Variants in DRC11 observed in about 807,000 individuals in gnomAD.
DRC11 encodes the protein IQ and AAA domain-containing protein 1.
chr2:236,344,490 T>C, the DRC11 span: 2 of 1,053,152 alleles, frequency 1.9e-6, no homozygotes, highest in Admixed American at 2.0e-5. Context: ...AAAGTAGAGG[T>C]AGGCCTTGGT....
At chr2:236,391,310 G>A in the DRC11 span, 1 of 152,330 alleles carries the variant, frequency 6.6e-6, no homozygotes, top group Non-Finnish European at 1.5e-5. The surrounding 1 kb of genome is among the most constrained non-coding windows in gnomAD (Gnocchi z 4.5). Context: ...AAGAGAAAAT[G>A]TGTGAATCAC....
chr2:236,426,741 A>C, the DRC11 span, among the ~76,000 whole-genome samples: 24 of 152,106 alleles, frequency 1.6e-4, no homozygotes, highest in African/African-American at 5.8e-4. The surrounding 1 kb of genome is among the most constrained non-coding windows in gnomAD (Gnocchi z 4.1). Context: ...CAAAGACAGG[A>C]AATTTCACTT....
the DRC11 span, among the ~76,000 whole-genome samples, chr2:236,317,869 C>T: frequency 3.3e-5 from 5 of 152,176 alleles, no homozygotes; most frequent in Admixed American, 6.5e-5. The surrounding 1 kb of genome is among the most constrained non-coding windows in gnomAD (Gnocchi z 5.4). Flanking sequence ...GAGCTAGAAG[C>T]CTCTTTATGG....
the DRC11 span, among the ~76,000 whole-genome samples, chr2:236,374,202 G>GCAAGT: frequency 6.6e-6 from 1 of 152,090 alleles, no homozygotes; most frequent in Non-Finnish European, 1.5e-5. Flanking sequence ...TAGTTTTGGT[G>GCAAGT]CAAGTGTTGC....
the DRC11 span, among the ~76,000 whole-genome samples, chr2:236,376,510 G>T: frequency 1.3e-5 from 2 of 152,148 alleles, no homozygotes; most frequent in Non-Finnish European, 2.9e-5. This position sits in a 1 kb window ranked among gnomAD's most constrained non-coding sequence, Gnocchi z 5.7. Flanking sequence ...TTCATTGGGG[G>T]TAATTTCTTC....
chr2:236,317,313 GAT>G, the DRC11 span, among the ~76,000 whole-genome samples: 33 of 151,424 alleles, frequency 2.2e-4, no homozygotes, highest in Admixed American at 4.6e-4. The surrounding 1 kb of genome is among the most constrained non-coding windows in gnomAD (Gnocchi z 5.4). Context: ...AAAAAAAAAA[GAT>G]AGGCTCTCAT....
the DRC11 span, among the ~76,000 whole-genome samples, chr2:236,494,397 G>A: frequency 6.6e-6 from 1 of 152,044 alleles, no homozygotes; most frequent in Non-Finnish European, 1.5e-5. This position sits in a 1 kb window ranked among gnomAD's most constrained non-coding sequence, Gnocchi z 4.2. Context: ...TTGCTTTATT[G>A]TGAAACTTGT....
chr2:236,399,330 G>A, the DRC11 span: 5 of 1,074,852 alleles, frequency 4.7e-6, no homozygotes, highest in African/African-American at 3.1e-5. This position sits in a 1 kb window ranked among gnomAD's most constrained non-coding sequence, Gnocchi z 7.0. Context: ...TCTCGGTTGT[G>A]AGTGGCATAC....
At chr2:236,343,925 T>C in the DRC11 span, among the ~76,000 whole-genome samples, 7 of 152,246 alleles carry the variant, frequency 4.6e-5, no homozygotes, top group Non-Finnish European at 1.0e-4. The surrounding 1 kb of genome is among the most constrained non-coding windows in gnomAD (Gnocchi z 6.6). Context: ...GGATCAAAAG[T>C]GATTAAAATC....
chr2:236,359,216 T>C, the DRC11 span, among the ~76,000 whole-genome samples: 1 of 151,950 alleles, frequency 6.6e-6, no homozygotes. The surrounding 1 kb of genome is among the most constrained non-coding windows in gnomAD (Gnocchi z 4.3). Flanking sequence ...TAGTAGACTA[T>C]ATATACTATA....
the DRC11 span, among the ~76,000 whole-genome samples, chr2:236,436,639 A>C: frequency 6.6e-6 from 1 of 152,114 alleles, no homozygotes; most frequent in Non-Finnish European, 1.5e-5. Context: ...GAATTCTGAT[A>C]TATGTACCTG....
the DRC11 span, chr2:236,487,972 C>G: frequency 6.7e-7 from 1 of 1,490,844 alleles, no homozygotes; most frequent in East Asian, 2.5e-5. Context: ...CACCTTGTAC[C>G]CCAACTCCAG....
the DRC11 span, among the ~76,000 whole-genome samples, chr2:236,375,561 G>C: frequency 6.6e-6 from 1 of 152,142 alleles, no homozygotes. The surrounding 1 kb of genome is among the most constrained non-coding windows in gnomAD (Gnocchi z 4.2). Context: ...AAATATTCCA[G>C]CAAAATTCTT....
the DRC11 span, among the ~76,000 whole-genome samples, chr2:236,357,961 A>AATATATGAATATATACTCATATATAAAT: frequency 9.7e-6 from 1 of 102,840 alleles, no homozygotes; most frequent in East Asian, 2.5e-4. Context: ...AAATATATAT[A>AATATATGAATATATACTCATATATAAAT]ATATATGAAT....
At chr2:236,408,969 G>A in the DRC11 span, 5 of 709,224 alleles carry the variant, frequency 7.0e-6, no homozygotes, top group Non-Finnish European at 1.3e-5. The surrounding 1 kb of genome is among the most constrained non-coding windows in gnomAD (Gnocchi z 5.5). Flanking sequence ...CGGCTTGGAA[G>A]GGTCATCCTT....
At chr2:236,500,890 G>T in the DRC11 span, among the ~76,000 whole-genome samples, 6 of 152,138 alleles carry the variant, frequency 3.9e-5, no homozygotes, top group African/African-American at 7.2e-5. The surrounding 1 kb of genome is among the most constrained non-coding windows in gnomAD (Gnocchi z 6.3). Flanking sequence ...TAGAGACAGA[G>T]TTTCTCCATG....
the DRC11 span, among the ~76,000 whole-genome samples, chr2:236,374,667 C>G: frequency 1.3e-5 from 2 of 151,874 alleles, no homozygotes; most frequent in Non-Finnish European, 2.9e-5. Context: ...ATGCTACACA[C>G]TTTTATTTTT....
the DRC11 span, among the ~76,000 whole-genome samples, chr2:236,466,888 G>T: frequency 6.6e-6 from 1 of 152,108 alleles, no homozygotes; most frequent in Non-Finnish European, 1.5e-5. Context: ...GTATGTCCTT[G>T]AGTGTAACTT....
chr2:236,442,263 C>T, the DRC11 span, among the ~76,000 whole-genome samples: 1 of 152,098 alleles, frequency 6.6e-6, no homozygotes, highest in Non-Finnish European at 1.5e-5. Context: ...AGTGTCACAG[C>T]TTTGCATCTT....
Sources: allele counts gnomAD v4.1 joint callset (sites outside exome capture counted in the v4.1 genomes callset), GRCh38; gene constraint gnomAD v4.1.1; non-coding constraint Gnocchi (gnomAD v3.1); transcripts MANE v1.5; gene names NCBI Gene and HGNC (gene_info 2026-07-23, HGNC 2026-07-21).